The following TRPM2 variants were observed in gnomAD, a reference collection of about 807,000 sequenced individuals.
TRPM2 encodes transient receptor potential cation channel subfamily M member 2, also known as estrogen-responsive element-associated gene 1 protein.
Under a neutral mutation model 174.0 loss-of-function variants are expected in TRPM2, and 161 were observed. The observed-to-expected ratio is 0.93, with a 90% confidence interval of 0.81 to 1.05. The LOEUF (loss-of-function observed/expected upper bound fraction) is 1.05, where lower values mean the gene tolerates loss of function less well. Among genes scored for constraint, TRPM2 ranks in the 50% least tolerant of loss-of-function variants. The pLI is 0.00. For missense variants in TRPM2, 2,057 were observed against 2,038.0 expected (o/e 1.01, Z -0.18); for synonymous variants, 954 against 861.3 (o/e 1.11, Z -1.88).
intron 19 of TRPM2, among the ~76,000 whole-genome samples, chr21:44,411,077 G>A (rs963267272): frequency 3.3e-5 from 5 of 152,122 alleles, no homozygotes; most frequent in Middle Eastern, 6.8e-3. Context: ...CTTGGTGAGC[G>A]TAGCCTTGTA....
intron 19 of TRPM2, 143 bp downstream of exon 19, chr21:44,406,908 C>A (rs1204905710): frequency 4.5e-6 from 5 of 1,120,740 alleles, no homozygotes; most frequent in Non-Finnish European, 5.0e-6. Flanking sequence ...TCCCTGGGGG[C>A]ATTCATTCCC....
chr21:44,409,821 T>C (rs1286330747), intron 19 of TRPM2, among the ~76,000 whole-genome samples: 1 of 150,342 alleles, frequency 6.7e-6, no homozygotes, highest in African/African-American at 2.5e-5. Context: ...TTGACCGCAC[T>C]GTCTTGGTGA....
At chr21:44,377,022 A>AC (rs537602059) in intron 6 of TRPM2, among the ~76,000 whole-genome samples, 11 of 142,258 alleles carry the variant, frequency 7.7e-5, no homozygotes, top group African/African-American at 2.8e-4. Context: ...CACTTTGAGA[A>AC]CCTGCTTGAC....
chr21:44,381,907 C>CAAA (rs751389057), intron 8 of TRPM2, among the ~76,000 whole-genome samples: 7 of 66,886 alleles, frequency 1.0e-4, no homozygotes, highest in African/African-American at 2.4e-4. Context: ...AAGTCTGTCT[C>CAAA]AAAAAAAAAA....
chr21:44,366,733 GCCGTTTTC>G lies in TRPM2; in HGVS notation c.424-18_424-11del. ...GACCACTGACACACAGGTTCCCTCC[GCCGTTTTC>G]CCTTTCCCGCAGTACGTCCGAGTCT... is the stretch of plus-strand genomic sequence containing the variant. On this transcript the variant is annotated splice_polypyrimidine_tract_variant and intron_variant, in intron 3 of 31. Transcript: ENST00000397928. This position sits in a 1 kb window ranked among gnomAD's most constrained non-coding sequence, Gnocchi z 6.0. 6.2e-7 allele frequency: 1 copy of G among 1,613,488 alleles called. No individual in the cohort carries two copies. The highest frequency in any genetic ancestry group is 8.5e-7 in the Non-Finnish European group (1 of 1,179,920).
intron 19 of TRPM2, among the ~76,000 whole-genome samples, chr21:44,407,352 C>T (rs554964294): frequency 6.1e-4 from 91 of 148,714 alleles, no homozygotes; most frequent in African/African-American, 2.2e-3. Context: ...GTATCGAACT[C>T]TTGAGCTCAA....
At chr21:44,358,727 C>T (rs2048125332) in intron 2 of TRPM2, among the ~76,000 whole-genome samples, 1 of 152,126 alleles carries the variant, frequency 6.6e-6, no homozygotes, top group African/African-American at 2.4e-5. Flanking sequence ...CTAGGGAACT[C>T]CTTTCCCCAC....
intron 19 of TRPM2, among the ~76,000 whole-genome samples, chr21:44,412,037 G>A (rs189859390): frequency 1.3e-5 from 2 of 152,140 alleles, no homozygotes; most frequent in Non-Finnish European, 2.9e-5. Flanking sequence ...ATTCATGAAG[G>A]TTATTGGTCT....
intron 27 of TRPM2, among the ~76,000 whole-genome samples, chr21:44,434,603 G>A (rs535472584): frequency 5.9e-5 from 9 of 152,252 alleles, no homozygotes; most frequent in African/African-American, 1.9e-4. Context: ...AGGGAGACCA[G>A]CCTGGCCCCA....
At chr21:44,379,580 A>T (rs911092654) in intron 8 of TRPM2, among the ~76,000 whole-genome samples, 1 of 152,250 alleles carries the variant, frequency 6.6e-6, no homozygotes. Flanking sequence ...CGCAGGGTCC[A>T]GTCCAGATTG....
chr21:44,442,064 C>A lies in TRPM2; in HGVS notation c.*247C>A. The A allele has an allele frequency of 2.2e-6, 1 of 460,948 alleles. No individual in the cohort carries two copies. The highest frequency in any genetic ancestry group is 3.5e-6 in the Non-Finnish European group (1 of 285,986). 28.6% of individuals were successfully genotyped at this position (460,948 alleles called of 1,614,324 possible). On this transcript the variant is annotated 3_prime_UTR_variant, in exon 32 of 32. Transcript: ENST00000397928. ...CAGGCTACTCAGAGCTGAGGGGCCCCTGGGACCCTTGGCCATCAGGCGAGG... is the reference window on the plus strand; with the variant it reads ...CAGGCTACTCAGAGCTGAGGGGCCCATGGGACCCTTGGCCATCAGGCGAGG...
In TRPM2 at chr21:44,364,301, C is replaced by G; in HGVS notation, c.423+19C>G. The G allele has an allele frequency of 1.2e-6, 2 of 1,612,424 alleles. No individual in the cohort carries two copies. The highest frequency in any genetic ancestry group is 1.7e-6 in the Non-Finnish European group (2 of 1,179,034). ...GAAAAAGGTTGGTTTCCATCACTCT[C>G]GCTCTGAACTGTAGGTGGAGCTGCA... is the stretch of plus-strand genomic sequence containing the variant. On this transcript the variant is annotated intron_variant, in intron 3 of 31. Transcript: ENST00000397928.
At chr21:44,351,817 C>T (rs2122998092), upstream of TRPM2, among the ~76,000 whole-genome samples, 1 of 152,332 alleles carries the variant, frequency 6.6e-6, no homozygotes. Context: ...TGGAGCAGGT[C>T]TGACCTGCTT....
rs1421520406 is a variant in TRPM2 at position 44,379,193 on chromosome 21, A to G, written c.1211A>G (p.Lys404Arg). ...FTESRIVEWT[K>R]KIQDIVRRRQ... ...GAAAGCAGGATTGTCGAGTGGACCA[A>G]AAAGGTGAGGCTGACGGGCACGACG... is the stretch of plus-strand genomic sequence containing the variant. The change falls in exon 8 of 32, where the codon AAA becomes AGA. Residue 404 changes from lysine (K) to arginine (R), a missense_variant. Transcript: ENST00000397928. 4 of 1,612,716 alleles carry G rather than the reference A, an allele frequency of 2.5e-6. No homozygotes were observed. The highest frequency in any genetic ancestry group is 3.4e-6 in the Non-Finnish European group (4 of 1,179,984).
intron 27 of TRPM2, among the ~76,000 whole-genome samples, chr21:44,431,352 A>G (rs9981183): frequency 0.8 from 120,606 of 151,582 alleles, 48,184 homozygotes; most frequent in East Asian, 0.91. Flanking sequence ...TTGCCCAGGC[A>G]GATCTTAAGC....
In TRPM2 at chr21:44,406,685, G is replaced by A. The variant is rs752512943; in HGVS notation, c.2882G>A (p.Arg961His). 6.2e-6 allele frequency: 10 copies of A among 1,610,200 alleles called. No individual in the cohort carries two copies. The Admixed American group carries it at 8.4e-5, about 14-fold the overall frequency. Reference sequence around the variant, plus strand: ...CAGGCCATCCTCATCCACAACGAGCGCCGGGTGGACTGGCTGTTCCGAGGG... The same window carrying A: ...CAGGCCATCCTCATCCACAACGAGCACCGGGTGGACTGGCTGTTCCGAGGG... The part of the protein sequence containing the change: ...AKQAILIHNE[R>H]RVDWLFRGAV... Residue 961 changes from arginine (R) to histidine (H), a missense_variant, in exon 19 of 32, where the codon CGC becomes CAC. Transcript: ENST00000397928.
In TRPM2 at chr21:44,405,973, G is replaced by T. The variant is rs148121425; in HGVS notation, c.2726G>T (p.Arg909Leu). The change falls in exon 18 of 32, where the codon CGG becomes CTG. Residue 909 changes from arginine (R) to leucine (L), a missense_variant. Coordinates refer to ENST00000397928, the MANE Select transcript of TRPM2 (RefSeq NM_003307.4). ...CTGGACTTCATCCTGTTCTGCCTCCGGCTCATGCACATTTTTACCATCAGT... is the reference window on the plus strand; with the variant it reads ...CTGGACTTCATCCTGTTCTGCCTCCTGCTCATGCACATTTTTACCATCAGT... ...LSLDFILFCLRLMHIFTISKT... is the reference protein window; with the variant it reads ...LSLDFILFCLLLMHIFTISKT... 3 of 1,608,698 alleles carry T rather than the reference G, an allele frequency of 1.9e-6. No homozygotes were observed. The highest frequency in any genetic ancestry group is 1.7e-6 in the Non-Finnish European group (2 of 1,179,764).
rs780909290 is a variant in TRPM2 at position 44,405,207 on chromosome 21, G to C, written c.2604G>C (p.Trp868Cys). The change falls in exon 17 of 32, where the codon TGG becomes TGC. Residue 868 changes from tryptophan to cysteine, a missense_variant. Physicochemically the swap from Trp to Cys is radical, Grantham distance 215. Coordinates refer to ENST00000397928, the MANE Select transcript of TRPM2 (RefSeq NM_003307.4). ...CAGCCTTGTACTTCAGTGACTTCTG[G>C]AATAAGCTGGACGTCGGCGCAATCT... The part of the protein sequence containing the change: ...KKAALYFSDF[W>C]NKLDVGAILL... 8.1e-6 allele frequency: 13 copies of C among 1,613,370 alleles called. No homozygotes were observed. The highest frequency in any genetic ancestry group is 6.7e-5 in the Admixed American group (4 of 59,990).
intron 15 of TRPM2, among the ~76,000 whole-genome samples, chr21:44,400,691 C>G (rs1444092171): frequency 6.6e-6 from 1 of 152,248 alleles, no homozygotes; most frequent in East Asian, 1.9e-4. Context: ...CTGAGCCAGT[C>G]TGCGGCGTGG....
Sources: gnomAD v4.1 joint callset for allele counts (sites outside exome capture counted in the v4.1 genomes callset) on GRCh38, gnomAD v4.1.1 for gene constraint, Gnocchi (gnomAD v3.1) non-coding constraint, MANE v1.5 for transcripts, NCBI Gene and HGNC (gene_info 2026-07-23, HGNC 2026-07-21) for gene names.